The following CSMD1 variants were observed in gnomAD, a reference collection of about 807,000 sequenced individuals.
CSMD1 encodes the protein CUB and sushi domain-containing protein 1.
CSMD1 carries 213 observed loss-of-function variants against 417.5 expected under a neutral mutation model. The ratio of observed to expected loss-of-function variants is 0.51; its 90% CI spans 0.46 to 0.57. CSMD1 has a LOEUF of 0.57. Ranked by LOEUF, CSMD1 falls within the 20% of genes least tolerant of loss-of-function variation. The pLI, the probability that CSMD1 is intolerant of heterozygous loss-of-function variation, is 0.00. For missense variants in CSMD1, 6,923 were observed against 4,529.7 expected (o/e 1.53, Z -15.17); for synonymous variants, 2,862 against 1,736.8 (o/e 1.65, Z -16.11).
chr8:4,809,192 T>C (rs965169651), intron 1 of CSMD1, among the ~76,000 whole-genome samples: 4 of 152,240 alleles, frequency 2.6e-5, no homozygotes, highest in African/African-American at 9.6e-5. Flanking sequence ...TGATATCATC[T>C]GAATTCACTG....
At chr8:4,666,536 T>C (rs964053908) in intron 1 of CSMD1, among the ~76,000 whole-genome samples, 1 of 152,200 alleles carries the variant, frequency 6.6e-6, no homozygotes, top group Non-Finnish European at 1.5e-5. Context: ...GATAATACTT[T>C]GATTTTTGAC....
At chr8:3,930,851 T>G (rs73501869) in intron 5 of CSMD1, among the ~76,000 whole-genome samples, 39,148 of 150,232 alleles carry the variant, frequency 0.26, 6,834 homozygotes, top group African/African-American at 0.37. Context: ...ATAGATATCT[T>G]AATAGTTAAC....
intron 5 of CSMD1, among the ~76,000 whole-genome samples, chr8:3,981,559 C>A (rs1199053459): frequency 6.7e-6 from 1 of 149,032 alleles, no homozygotes; most frequent in Non-Finnish European, 1.5e-5. Context: ...AGTCTTTCCA[C>A]ACCGTGTTCC....
chr8:4,341,143 C>G (rs186609747), intron 3 of CSMD1, among the ~76,000 whole-genome samples: 59 of 152,114 alleles, frequency 3.9e-4, no homozygotes, highest in Non-Finnish European at 7.1e-4. Flanking sequence ...AAGGCCTATC[C>G]AAGCATTTTG....
intron 3 of CSMD1, among the ~76,000 whole-genome samples, chr8:4,353,827 T>C (rs551026476): frequency 1.3e-5 from 2 of 152,286 alleles, no homozygotes; most frequent in South Asian, 2.1e-4. Flanking sequence ...AGTGTTCTTC[T>C]CTCCTCAGTG....
chr8:3,979,548 C>A (rs1415982688), intron 5 of CSMD1, among the ~76,000 whole-genome samples: 1 of 152,174 alleles, frequency 6.6e-6, no homozygotes, highest in Non-Finnish European at 1.5e-5. Flanking sequence ...ATTAAGAGCT[C>A]AGGCCTTTGG....
chr8:4,144,636 T>G (rs1804001297), intron 3 of CSMD1, among the ~76,000 whole-genome samples: 1 of 150,960 alleles, frequency 6.6e-6, no homozygotes, highest in East Asian at 1.9e-4. Context: ...GTCTGGAGCT[T>G]CTTTTTATCA....
chr8:3,885,536 G>C, intron 5 of CSMD1, among the ~76,000 whole-genome samples: 1 of 152,092 alleles, frequency 6.6e-6, no homozygotes, highest in African/African-American at 2.4e-5. Flanking sequence ...AGAATACTAG[G>C]GAAAAAAGAA....
chr8:4,394,699 C>A (rs1346235481), intron 3 of CSMD1, among the ~76,000 whole-genome samples: 4 of 152,198 alleles, frequency 2.6e-5, no homozygotes, highest in African/African-American at 9.6e-5. Flanking sequence ...CTGGCCCTGA[C>A]TGGCTTATCT....
At chr8:3,508,079 GC>G (rs750271401) in intron 10 of CSMD1, among the ~76,000 whole-genome samples, 8 of 152,066 alleles carry the variant, frequency 5.3e-5, no homozygotes, top group Non-Finnish European at 1.2e-4. Context: ...TGAGGTCCTT[GC>G]CCATGCCTAT....
intron 2 of CSMD1, among the ~76,000 whole-genome samples, chr8:4,623,161 T>C (rs1801878735): frequency 6.6e-6 from 1 of 152,112 alleles, no homozygotes; most frequent in African/African-American, 2.4e-5. Flanking sequence ...AGACAAAAGT[T>C]GCAGTGAAGA....
At chr8:3,923,615 G>C (rs969762115) in intron 5 of CSMD1, among the ~76,000 whole-genome samples, 1 of 151,980 alleles carries the variant, frequency 6.6e-6, no homozygotes, top group Admixed American at 6.6e-5. Context: ...CACCATTTTT[G>C]TGGTTCAGTA....
intron 1 of CSMD1, among the ~76,000 whole-genome samples, chr8:4,811,191 A>C (rs941966445): frequency 2.0e-5 from 3 of 152,182 alleles, no homozygotes; most frequent in African/African-American, 7.2e-5. Flanking sequence ...ATTTCTCCTC[A>C]TTTCTGGAAA....
intron 3 of CSMD1, among the ~76,000 whole-genome samples, chr8:4,275,511 T>C (rs751143139): frequency 6.6e-6 from 1 of 152,158 alleles, no homozygotes; most frequent in Non-Finnish European, 1.5e-5. Context: ...AACAAACAAC[T>C]GTGCTGCTTT....
chr8:4,118,958 G>A (rs1390888845), intron 3 of CSMD1, among the ~76,000 whole-genome samples: 1 of 152,124 alleles, frequency 6.6e-6, no homozygotes, highest in Non-Finnish European at 1.5e-5. Context: ...GGGTGAAGCT[G>A]GAAGCCATCA....
chr8:4,969,915 T>C (rs1810130892), intron 1 of CSMD1, among the ~76,000 whole-genome samples: 1 of 152,146 alleles, frequency 6.6e-6, no homozygotes. Flanking sequence ...AGTTTGAGTT[T>C]GAAGTATACT....
chr8:4,585,046 T>A (rs2725026), intron 2 of CSMD1, among the ~76,000 whole-genome samples: 50,683 of 149,580 alleles, frequency 0.34, 8,659 homozygotes, highest in African/African-American at 0.38. Flanking sequence ...TTCTATATTT[T>A]AAAAAAATTA....
At chr8:4,798,717 A>C (rs1033714148) in intron 1 of CSMD1, among the ~76,000 whole-genome samples, 1 of 152,236 alleles carries the variant, frequency 6.6e-6, no homozygotes, top group Non-Finnish European at 1.5e-5. Flanking sequence ...TGTTAAAAAA[A>C]AGTAGAAACT....
chr8:3,680,876 GGT>G (rs1799619256), intron 7 of CSMD1, among the ~76,000 whole-genome samples: 1 of 152,174 alleles, frequency 6.6e-6, no homozygotes, highest in African/African-American at 2.4e-5. Flanking sequence ...ATGCAAGGCT[GGT>G]TCAATATACG....
Sources: gnomAD v4.1 joint callset for allele counts (sites outside exome capture counted in the v4.1 genomes callset) on GRCh38, gnomAD v4.1.1 for gene constraint, MANE v1.5 for transcripts, NCBI Gene and HGNC (gene_info 2026-07-23, HGNC 2026-07-21) for gene names.